Variants in ROS1 observed in about 807,000 individuals in gnomAD.
The protein encoded by ROS1 is proto-oncogene tyrosine-protein kinase ROS.
ROS1 carries 263 observed loss-of-function variants against 273.5 expected under a neutral mutation model. That is an observed-to-expected ratio of 0.96 (90% CI 0.87 to 1.06). The LOEUF (loss-of-function observed/expected upper bound fraction) is 1.06. Among genes scored for constraint, ROS1 ranks in the 50% least tolerant of loss-of-function variants. ROS1 has a pLI of 0.00. For missense variants in ROS1, 2,833 were observed against 2,751.1 expected (o/e 1.03, Z -0.67); for synonymous variants, 1,008 against 954.1 (o/e 1.06, Z -1.04).
intron 32 of ROS1, among the ~76,000 whole-genome samples, chr6:117,334,801 GA>G (rs1777344578): frequency 1.3e-5 from 2 of 152,270 alleles, no homozygotes; most frequent in African/African-American, 4.8e-5. Context: ...GCAGAAAACT[GA>G]AACTGGGCCC....
At chr6:117,399,064 A>G (rs1197176025) in intron 7 of ROS1, among the ~76,000 whole-genome samples, 1 of 152,196 alleles carries the variant, frequency 6.6e-6, no homozygotes, top group Non-Finnish European at 1.5e-5. Flanking sequence ...CACAATACAG[A>G]TAAGTTTCTA....
intron 5 of ROS1, among the ~76,000 whole-genome samples, chr6:117,404,719 T>C (rs1430500509): frequency 3.9e-5 from 6 of 152,194 alleles, no homozygotes. Flanking sequence ...GCTGTCCAGT[T>C]TTCTCTTTCA....
Position 117,383,377 on chromosome 6 carries a change from G to A in ROS1, c.2421C>T (p.Thr807=). The A allele has an allele frequency of 1.2e-6, 2 of 1,613,920 alleles. No homozygotes were observed. Among genetic ancestry groups the A allele is most frequent in the Non-Finnish European group, 1.7e-6 (2 of 1,179,894 alleles). ...CAAGGGAACTTTCCCCATTTAGTCT[G>A]GTGCTTTCCACTGAATAGAGTGTGG... ...YWTTLYSVES[T]RLNGESSLVL... is the part of the protein sequence containing the mutation. The change falls in exon 17 of 44, where the codon ACC becomes ACT. Residue 807 remains threonine, a synonymous_variant. Transcript: ENST00000368507.
chr6:117,309,961 ACTTAATCT>A (rs1408936205), intron 41 of ROS1, 112 bp downstream of exon 41: 11 of 895,856 alleles, frequency 1.2e-5, no homozygotes, highest in Non-Finnish European at 1.4e-5. Context: ...GAGGCAAATC[ACTTAATCT>A]CTCTGGTCTT....
intron 16 of ROS1, among the ~76,000 whole-genome samples, chr6:117,385,309 C>G (rs1036551823): frequency 1.3e-5 from 2 of 151,908 alleles, no homozygotes; most frequent in Non-Finnish European, 2.9e-5. Context: ...AATCCCAGCA[C>G]TTTGGGAGGC....
intron 43 of ROS1, among the ~76,000 whole-genome samples, chr6:117,298,604 T>C (rs962291873): frequency 3.9e-5 from 6 of 152,192 alleles, no homozygotes; most frequent in African/African-American, 1.4e-4. Context: ...CAAAACATTA[T>C]TATTAAATAG....
At chr6:117,404,890 T>C (rs918683614) in intron 5 of ROS1, among the ~76,000 whole-genome samples, 2 of 152,208 alleles carry the variant, frequency 1.3e-5, no homozygotes, top group Non-Finnish European at 2.9e-5. Flanking sequence ...ATTTTTTATA[T>C]GTACAGAGCA....
At position 117,356,519 on chromosome 6, in the gene ROS1, C is replaced by A. The variant is rs1299457711; in HGVS notation, c.4126+110G>T. 12 of 1,018,418 alleles carry A rather than the reference C, an allele frequency of 1.2e-5. No homozygotes were observed. The African/African-American group carries it at 1.9e-4, about 16-fold the overall frequency. 63.1% of individuals were successfully genotyped at this position (1,018,418 alleles called of 1,614,324 possible). On this transcript the variant is annotated intron_variant, in intron 26 of 43. Coordinates refer to ENST00000368507, the MANE Select transcript of ROS1 (RefSeq NM_001378902.1). Reference sequence around the variant, plus strand: ...CAAGAACACTTGGCATGGTACAGAGCAAATATCATGTGTATATTTGAGTAT... The same window carrying A: ...CAAGAACACTTGGCATGGTACAGAGAAAATATCATGTGTATATTTGAGTAT...
intron 7 of ROS1, among the ~76,000 whole-genome samples, chr6:117,400,711 G>A (rs1219640509): frequency 6.6e-6 from 1 of 152,096 alleles, no homozygotes; most frequent in Non-Finnish European, 1.5e-5. Context: ...GTCCTTTGCT[G>A]TCCCTCTTCT....
rs1775616807 is a variant in ROS1, at chr6:117,419,811, G to T, written c.124-1305C>A. On this transcript the variant is annotated intron_variant, in intron 1 of 43. Transcript: ENST00000368507. ...TGATGATCATAGTCACACTGTAACG[G>T]TAGTGAGTCCTGATGGCTCTTCTCA... Among the ~76,000 whole-genome samples the T allele has an allele frequency of 2.0e-5, 3 of 152,132 alleles. No homozygotes were observed. The South Asian group carries it at 6.2e-4, about 31-fold the overall frequency.
intron 18 of ROS1, among the ~76,000 whole-genome samples, chr6:117,371,039 TAA>T (rs892723225): frequency 1.3e-5 from 2 of 152,208 alleles, no homozygotes; most frequent in Non-Finnish European, 2.9e-5. Flanking sequence ...ACTTTAAATG[TAA>T]AGACTCAGAT....
chr6:117,314,802 G>GT (rs1338159225), intron 39 of ROS1, among the ~76,000 whole-genome samples: 1 of 152,156 alleles, frequency 6.6e-6, no homozygotes, highest in East Asian at 1.9e-4. Context: ...AAAAGATTCA[G>GT]TTACTGACAT....
rs751983911 is a variant in ROS1, at chr6:117,396,976, C to G, written c.745G>C (p.Asp249His). 6 of 1,613,960 alleles carry G rather than the reference C, an allele frequency of 3.7e-6. No homozygotes were observed. The African/African-American group carries it at 6.7e-5, about 18-fold the overall frequency. The part of the protein sequence containing the change: ...LRLISKNQKL[D>H]AGTQRTSFQF... ...AAACTGGTTCTCTGTGTCCCTGCAT[C>G]TAATTTTTGATTTTTGCTGATCAGC... The change falls in exon 8 of 44, where the codon GAT (aspartate) becomes CAT (histidine). Residue 249 changes from aspartate (D) to histidine (H), a missense_variant. By Grantham distance (81) the Asp-to-His change is moderately conservative. Coordinates refer to ENST00000368507, the MANE Select transcript of ROS1 (RefSeq NM_001378902.1).
At chr6:117,401,155 T>C (rs943617774) in intron 7 of ROS1, among the ~76,000 whole-genome samples, 1 of 152,092 alleles carries the variant, frequency 6.6e-6, no homozygotes, top group East Asian at 1.9e-4. Flanking sequence ...ATGACAAACC[T>C]TTCCCTGTTT....
rs545955305 is a variant in ROS1 at position 117,343,985 on chromosome 6, T to C, written c.4506+75A>G. On this transcript the variant is annotated intron_variant, in intron 28 of 43. Transcript: ENST00000368507. The stretch of plus-strand genomic sequence containing the variant: ...CCATTTCAGAACATATAGGAAATAC[T>C]TTACTATGGCTCATAATTTTATATC... The C allele has an allele frequency of 3.9e-6, 5 of 1,292,694 alleles. 1 individual carries two copies. In the Admixed American group the frequency reaches 7.3e-5, roughly 19 times the overall value. The allele number at this position is 1,292,694 out of a possible 1,614,324, so 80.1% of individuals were successfully genotyped here. A position where few individuals can be genotyped will look rare whatever the true frequency, so the allele number is the denominator to read the frequency against.
chr6:117,407,245 G>A (rs936702758), intron 5 of ROS1, among the ~76,000 whole-genome samples: 6 of 152,116 alleles, frequency 3.9e-5, no homozygotes, highest in African/African-American at 1.4e-4. Flanking sequence ...ATATGGAAGA[G>A]CCAAGCATCC....
At chr6:117,394,441 A>G in intron 10 of ROS1, 95 bp from the exon 11 acceptor site, 1 of 882,352 alleles carries the variant, frequency 1.1e-6, no homozygotes, top group Non-Finnish European at 1.5e-6. Context: ...TGATTAATAA[A>G]TTAAAATAGA....
chr6:117,367,020 G>A (rs2128664058), intron 18 of ROS1, among the ~76,000 whole-genome samples: 1 of 152,258 alleles, frequency 6.6e-6, no homozygotes, highest in African/African-American at 2.4e-5. Flanking sequence ...CATGAGGCAA[G>A]GTTCTTACAG....
intron 24 of ROS1, among the ~76,000 whole-genome samples, chr6:117,358,974 T>C (rs1779557218): frequency 6.6e-6 from 1 of 152,154 alleles, no homozygotes; most frequent in South Asian, 2.1e-4. Context: ...TAAATATCTT[T>C]ACTGGCTTGC....
Sources: allele counts gnomAD v4.1 joint callset (sites outside exome capture counted in the v4.1 genomes callset), GRCh38; gene constraint gnomAD v4.1.1; transcripts MANE v1.5; gene names NCBI Gene and HGNC (gene_info 2026-07-23, HGNC 2026-07-21).